MARK1: variants seen among roughly 807,000 people sequenced by gnomAD.
MARK1 encodes the protein serine/threonine-protein kinase MARK1.
In MARK1, 40 loss-of-function variants were observed where a neutral mutation model predicts 96.3. That is an observed-to-expected ratio of 0.42 (90% confidence interval 0.32 to 0.54). The LOEUF (loss-of-function observed/expected upper bound fraction) is 0.54, where lower values mean the gene tolerates loss of function less well. MARK1 is among the 20% of genes least tolerant of loss of function. The pLI is 0.16. For missense variants in MARK1, 719 were observed against 984.6 expected (o/e 0.73, Z 3.61); for synonymous variants, 317 against 341.2 (o/e 0.93, Z 0.78).
rs12408093 is a variant in MARK1 at position 220,654,878 on chromosome 1, C to T, written c.1988+1526C>T. Among the ~76,000 whole-genome samples the T allele has an allele frequency of 0.027, 4,137 of 152,246 alleles. 134 individuals are homozygous for T. Among genetic ancestry groups the T allele is most frequent in the African/African-American group, 0.081 (3,373 of 41,548 alleles). On this transcript the variant is annotated intron_variant, in intron 16 of 17. Coordinates refer to ENST00000366917, the MANE Select transcript of MARK1 (RefSeq NM_018650.5). The surrounding 1 kb of genome is among the most constrained non-coding windows in gnomAD (Gnocchi z 4.0). ...AAACAGAGTACTTTGGAAAGGAAGTCGTGAGATAGAATGCCAAAGCAAGAA... is the reference window on the plus strand; with the variant it reads ...AAACAGAGTACTTTGGAAAGGAAGTTGTGAGATAGAATGCCAAAGCAAGAA...
intron 3 of MARK1, among the ~76,000 whole-genome samples, chr1:220,597,542 A>G (rs1291043892): frequency 6.6e-6 from 1 of 152,194 alleles, no homozygotes; most frequent in African/African-American, 2.4e-5. Flanking sequence ...TGCTGCAGAA[A>G]TGTCACCTCT....
In MARK1 at chr1:220,610,127, A is replaced by G. The variant is rs1206077402; in HGVS notation, c.496-5812A>G. ...CTAGGTTGGGGAAGTTCTCCTGGAT[A>G]ATATCCTAAAGAGTGTTTTCCAACT... On this transcript the variant is annotated intron_variant, in intron 6 of 17. Transcript: ENST00000366917. 5.3e-5 allele frequency among the ~76,000 whole-genome samples: 8 copies of G among 152,270 alleles called. No individual in the cohort carries two copies. The East Asian group carries it at 1.5e-3, about 29-fold the overall frequency.
chr1:220,626,468 T>C, intron 9 of MARK1: 1 of 539,050 alleles, frequency 1.9e-6, no homozygotes, highest in Non-Finnish European at 3.8e-6. Context: ...AGTTCAGTGC[T>C]CTTACAGTGT....
At chr1:220,649,171 A>G (rs951316592) in intron 13 of MARK1, among the ~76,000 whole-genome samples, 49 of 152,294 alleles carry the variant, frequency 3.2e-4, no homozygotes, top group African/African-American at 1.1e-3. Flanking sequence ...AGTTAGTTTC[A>G]TAATGCGTCT....
At chr1:220,649,899 GGTGA>G (rs773139158) in intron 13 of MARK1, among the ~76,000 whole-genome samples, 59 of 152,294 alleles carry the variant, frequency 3.9e-4, no homozygotes, top group Non-Finnish European at 6.5e-4. Flanking sequence ...TTTTATTACT[GGTGA>G]GTAGTCAAGG....
intron 1 of MARK1, among the ~76,000 whole-genome samples, chr1:220,543,142 G>A (rs778483163): frequency 1.8e-4 from 28 of 152,122 alleles, no homozygotes; most frequent in Non-Finnish European, 3.4e-4. Flanking sequence ...TGAATAGATC[G>A]AACTATGAGC....
chr1:220,571,716 T>C (rs536588040), intron 1 of MARK1: 9 of 148,346 alleles, frequency 6.1e-5, no homozygotes, highest in African/African-American at 2.4e-4. Context: ...TGTTCTTTTT[T>C]ATTTATTTAT....
intron 1 of MARK1, among the ~76,000 whole-genome samples, chr1:220,544,884 G>T (rs368785293): frequency 6.6e-6 from 1 of 152,070 alleles, no homozygotes; most frequent in African/African-American, 2.4e-5. Context: ...TTTTCTATTC[G>T]CTTCATCACA....
chr1:220,535,871 C>T (rs530823102), intron 1 of MARK1, among the ~76,000 whole-genome samples: 2 of 152,108 alleles, frequency 1.3e-5, no homozygotes, highest in African/African-American at 4.8e-5. Context: ...TAGTGTATAT[C>T]TCTGTCTTTA....
chr1:220,644,571 C>G (rs1344148318), intron 13 of MARK1, among the ~76,000 whole-genome samples: 1 of 150,858 alleles, frequency 6.6e-6, no homozygotes, highest in Non-Finnish European at 1.5e-5. Flanking sequence ...CAGCTCTGGA[C>G]CAAGTGGACC....
At chr1:220,598,819 A>G (rs1665552107) in intron 4 of MARK1, among the ~76,000 whole-genome samples, 1 of 151,974 alleles carries the variant, frequency 6.6e-6, no homozygotes, top group Non-Finnish European at 1.5e-5. Context: ...CACGGCAAAA[A>G]AATACAAAAA....
At chr1:220,591,035 G>C (rs1433968382) in intron 3 of MARK1, among the ~76,000 whole-genome samples, 1 of 152,108 alleles carries the variant, frequency 6.6e-6, no homozygotes, top group Non-Finnish European at 1.5e-5. Flanking sequence ...GTGACCTTCT[G>C]TTTAGGTGTT....
chr1:220,607,210 T>G (rs920302467), intron 6 of MARK1, among the ~76,000 whole-genome samples: 1 of 152,212 alleles, frequency 6.6e-6, no homozygotes, highest in African/African-American at 2.4e-5. Flanking sequence ...AGCAGTGGTT[T>G]GTTGTTCTCC....
At chr1:220,657,728 T>C (rs1669251219) in intron 16 of MARK1, 62 bp from the exon 17 acceptor site, 3 of 1,206,254 alleles carry the variant, frequency 2.5e-6, no homozygotes, top group African/African-American at 1.6e-5. Flanking sequence ...ATTTTAGATA[T>C]AGGTTTTCTT....
Position 220,637,758 on chromosome 1 carries a change from C to T in MARK1, c.1470+1732C>T, listed in dbSNP as rs185052041. 5.4e-4 allele frequency among the ~76,000 whole-genome samples: 76 copies of T among 141,548 alleles called. 2 individuals are homozygous for T. In the East Asian group the frequency reaches 0.01, roughly 19 times the overall value. 92.9% of individuals were successfully genotyped at this position (141,548 alleles called of 152,430 possible). ...ATGAGTTCAGGAACTTAAGGGTGAA[C>T]AATGTAAGAACAAAGAATTAAAACC... On this transcript the variant is annotated intron_variant, in intron 13 of 17. Transcript: ENST00000366917.
intron 6 of MARK1, among the ~76,000 whole-genome samples, chr1:220,613,388 C>T (rs1666564530): frequency 6.6e-6 from 1 of 152,162 alleles, no homozygotes; most frequent in South Asian, 2.1e-4. Flanking sequence ...ATTCTTGATG[C>T]TTTGAGGCTC....
At chr1:220,556,487 A>G (rs12057652) in intron 1 of MARK1, among the ~76,000 whole-genome samples, 42 of 132,306 alleles carry the variant, frequency 3.2e-4, no homozygotes, top group African/African-American at 1.1e-3. Flanking sequence ...GACTGTCACA[A>G]AAAAAAAAAA....
intron 16 of MARK1, among the ~76,000 whole-genome samples, chr1:220,653,727 A>G (rs1265593343): frequency 6.6e-6 from 1 of 152,170 alleles, no homozygotes; most frequent in Admixed American, 6.5e-5. Flanking sequence ...TTGCTTACTA[A>G]TAATATATAA....
chr1:220,596,239 G>A (rs1463750287), intron 3 of MARK1, among the ~76,000 whole-genome samples: 1 of 152,124 alleles, frequency 6.6e-6, no homozygotes, highest in Non-Finnish European at 1.5e-5. Flanking sequence ...GAGTAGAAGG[G>A]GAGAGGTTTA....
Sources: allele counts gnomAD v4.1 joint callset (sites outside exome capture counted in the v4.1 genomes callset), GRCh38; gene constraint gnomAD v4.1.1; non-coding constraint Gnocchi (gnomAD v3.1); transcripts MANE v1.5; gene names NCBI Gene and HGNC (gene_info 2026-07-23, HGNC 2026-07-21).